DMD: variants seen among roughly 807,000 people sequenced by gnomAD.
DMD encodes the protein dystrophin.
In DMD, 63 loss-of-function variants were observed where a neutral mutation model predicts 330.1. The ratio of observed to expected loss-of-function variants is 0.19; its 90% CI spans 0.16 to 0.24. The LOEUF is 0.24. Among genes scored for constraint, DMD ranks in the 10% least tolerant of loss-of-function variants. The probability of loss-of-function intolerance (pLI) is 1.00; values close to 1 mark genes in which losing one functional copy is unlikely to be tolerated. For missense variants in DMD, 3,344 were observed against 2,684.1 expected (o/e 1.25, Z -5.43); for synonymous variants, 1,223 against 959.8 (o/e 1.27, Z -5.07).
At position 32,452,334 on chromosome X, in the gene DMD, TGAAAGGGAAAGGGAAAGGGAAAGG is replaced by T. The variant is rs1237476575; in HGVS notation, c.3603+2304_3603+2327del. On this transcript the variant is annotated intron_variant, in intron 26 of 78. Transcript: ENST00000357033. The stretch of plus-strand genomic sequence containing the variant: ...GTGAAAGTGAAAGTGAAAGTGAAAG[TGAAAGGGAAAGGGAAAGGGAAAGG>T]GAAAGGGAAAGGGAAAGGGAAAGGG... Among the ~76,000 whole-genome samples the T allele has an allele frequency of 1.1e-3, 17 of 15,000 alleles. 2 individuals carry two copies. Among genetic ancestry groups the T allele is most frequent in the Middle Eastern group, 0.03 (1 of 33 alleles). 13.0% of individuals were successfully genotyped at this position (15,000 alleles called of 115,157 possible). A position where few individuals can be genotyped will look rare whatever the true frequency, so the allele number is the denominator to read the frequency against.
chrX:31,551,378 T>C (rs942863740), intron 55 of DMD, among the ~76,000 whole-genome samples: 1 of 110,228 alleles, frequency 9.1e-6, no homozygotes, highest in Non-Finnish European at 1.9e-5. Flanking sequence ...CCCTGTCACT[T>C]TGGGCTTGGT....
intron 26 of DMD, among the ~76,000 whole-genome samples, chrX:32,454,460 A>G (rs2098347077): frequency 9.0e-6 from 1 of 110,920 alleles, no homozygotes; most frequent in Non-Finnish European, 1.9e-5. Context: ...ATAATTGACC[A>G]CAATGCATTA....
chrX:32,886,047 C>T (rs1267533201), intron 2 of DMD, among the ~76,000 whole-genome samples: 2 of 110,922 alleles, frequency 1.8e-5, no homozygotes, highest in Non-Finnish European at 3.8e-5. Flanking sequence ...GACTGTATAA[C>T]AACATATGTA....
chrX:32,457,443 CTGATGGGAA>C (rs1488177332), intron 25 of DMD, among the ~76,000 whole-genome samples: 1 of 110,573 alleles, frequency 9.0e-6, no homozygotes, highest in African/African-American at 3.3e-5. Flanking sequence ...TAATTCTCTA[CTGATGGGAA>C]TGATGGGAAT....
chrX:31,790,866 A>G (rs759384949), intron 50 of DMD, among the ~76,000 whole-genome samples: 152 of 112,014 alleles, frequency 1.4e-3, no homozygotes, highest in African/African-American at 4.9e-3. Flanking sequence ...TATATCTAGC[A>G]TGCGTAGATT....
At chrX:33,152,427 G>A (rs2148632039) in intron 1 of DMD, among the ~76,000 whole-genome samples, 1 of 110,263 alleles carries the variant, frequency 9.1e-6, no homozygotes, top group Admixed American at 9.8e-5. Context: ...GCCTGCCTTG[G>A]CCTCCCAAAA....
chrX:31,666,038 C>G (rs1346974915), intron 53 of DMD, among the ~76,000 whole-genome samples: 3 of 111,272 alleles, frequency 2.7e-5, no homozygotes, highest in African/African-American at 9.8e-5. Flanking sequence ...AACAAATCAC[C>G]CAGCTACCCC....
chrX:33,323,930 G>T (rs2054051006), intron 1 of DMD, among the ~76,000 whole-genome samples: 1 of 111,216 alleles, frequency 9.0e-6, no homozygotes, highest in Non-Finnish European at 1.9e-5. Flanking sequence ...GGCCCAGAAT[G>T]GTAATGACTG....
intron 47 of DMD, among the ~76,000 whole-genome samples, chrX:31,884,866 C>T (rs2094128409): frequency 9.0e-6 from 1 of 111,120 alleles, no homozygotes; most frequent in African/African-American, 3.3e-5. Context: ...CTTTAGTAAC[C>T]TTGAAAGGAG....
intron 29 of DMD, among the ~76,000 whole-genome samples, chrX:32,429,764 TA>T (rs1234337953): frequency 1.8e-5 from 2 of 110,064 alleles, no homozygotes; most frequent in Non-Finnish European, 3.8e-5. Context: ...TCTTTCTAAA[TA>T]AAAGGGCTTG....
chrX:32,341,765 G>T (rs2097744248), intron 41 of DMD, among the ~76,000 whole-genome samples: 1 of 111,247 alleles, frequency 9.0e-6, no homozygotes, highest in African/African-American at 3.3e-5. Flanking sequence ...CATATTTTTT[G>T]GATTAGACAT....
intron 1 of DMD, among the ~76,000 whole-genome samples, chrX:33,140,694 C>T (rs1453163331): frequency 8.9e-6 from 1 of 111,999 alleles, no homozygotes; most frequent in Non-Finnish European, 1.9e-5. Flanking sequence ...GGATAAACAC[C>T]CAGGACTTCA....
intron 61 of DMD, among the ~76,000 whole-genome samples, chrX:31,344,044 G>GC (rs2071976421): frequency 9.7e-6 from 1 of 103,234 alleles, no homozygotes; most frequent in South Asian, 4.6e-4. Flanking sequence ...GTGCGGGGGG[G>GC]GGTGGATTAT....
chrX:32,052,560 T>A (rs754312210), intron 44 of DMD, among the ~76,000 whole-genome samples: 2 of 111,472 alleles, frequency 1.8e-5, no homozygotes, highest in Admixed American at 1.9e-4. Context: ...GAGAAGAATA[T>A]CCTTTATGGT....
intron 43 of DMD, among the ~76,000 whole-genome samples, chrX:32,235,158 T>C (rs2097183014): frequency 9.0e-6 from 1 of 111,402 alleles, no homozygotes; most frequent in African/African-American, 3.3e-5. Flanking sequence ...ATAATGTAGA[T>C]TCAGTGGGAG....
intron 44 of DMD, among the ~76,000 whole-genome samples, chrX:32,173,774 T>G (rs1162984428): frequency 4.5e-5 from 5 of 111,873 alleles, no homozygotes; most frequent in Non-Finnish European, 7.5e-5. Context: ...TTTAGGAAAT[T>G]GAGTTTTTAA....
chrX:31,563,692 A>G (rs904932564), intron 55 of DMD, among the ~76,000 whole-genome samples: 7 of 112,182 alleles, frequency 6.2e-5, no homozygotes, highest in African/African-American at 2.3e-4. Flanking sequence ...CTATAAATCT[A>G]TTCTATGAAA....
intron 13 of DMD, 134 bp downstream of exon 13, chrX:32,595,621 TGA>T: frequency 1.7e-6 from 1 of 590,088 alleles, no homozygotes; most frequent in Admixed American, 2.9e-5. Flanking sequence ...CAGCTGATTA[TGA>T]GTGTGTGTAT....
intron 5 of DMD, among the ~76,000 whole-genome samples, chrX:32,817,315 G>T (rs1008170571): frequency 9.0e-6 from 1 of 111,444 alleles, no homozygotes; most frequent in Non-Finnish European, 1.9e-5. Flanking sequence ...ATCCCTAAGA[G>T]GTGTACATAT....
Sources: allele counts gnomAD v4.1 joint callset (sites outside exome capture counted in the v4.1 genomes callset), GRCh38; gene constraint gnomAD v4.1.1; transcripts MANE v1.5; gene names NCBI Gene and HGNC (gene_info 2026-07-23, HGNC 2026-07-21).